Variants in SERINC3 observed in about 807,000 individuals in gnomAD.
SERINC3 encodes the protein tumor differentially expressed protein 1.
Under a neutral mutation model 52.1 loss-of-function variants are expected in SERINC3, and 22 were observed. That is an observed-to-expected ratio of 0.42 (90% CI 0.30 to 0.60). The LOEUF (loss-of-function observed/expected upper bound fraction) is 0.60, where lower values mean the gene tolerates loss of function less well. Among genes scored for constraint, SERINC3 ranks in the 20% least tolerant of loss-of-function variants. The pLI, the probability that SERINC3 is intolerant of heterozygous loss-of-function variation, is 0.16. For missense variants in SERINC3, 564 were observed against 584.6 expected (o/e 0.96, Z 0.36); for synonymous variants, 226 against 212.7 (o/e 1.06, Z -0.54).
At chr20:44,496,662 C>T (rs1000931522), downstream of SERINC3, among the ~76,000 whole-genome samples, 1 of 151,976 alleles carries the variant, frequency 6.6e-6, no homozygotes, top group Non-Finnish European at 1.5e-5. Flanking sequence ...GGTGTGGTGG[C>T]GCGCACCTAT....
intron 7 of SERINC3, 28 bp from the exon 8 acceptor site, chr20:44,504,023 T>C: frequency 1.9e-6 from 3 of 1,559,044 alleles, no homozygotes; most frequent in Non-Finnish European, 2.6e-6. Context: ...TGTATTATCC[T>C]TGGTTACAGC....
intron 2 of SERINC3, 83 bp from the exon 3 acceptor site, chr20:44,513,077 G>A (rs2064358734): frequency 1.7e-5 from 15 of 886,202 alleles, no homozygotes; most frequent in Non-Finnish European, 2.5e-5. Context: ...CCTGGATTTA[G>A]AAAATTAACT....
chr20:44,521,150 T>C (rs2064414074), intron 1 of SERINC3, among the ~76,000 whole-genome samples: 1 of 152,236 alleles, frequency 6.6e-6, no homozygotes, highest in African/African-American at 2.4e-5. Context: ...GTGCTTTTTC[T>C]ACACACTTGG....
chr20:44,501,735 T>C (rs1413030296), intron 8 of SERINC3, among the ~76,000 whole-genome samples: 1 of 152,206 alleles, frequency 6.6e-6, no homozygotes, highest in Non-Finnish European at 1.5e-5. Flanking sequence ...CACAGCTTCC[T>C]AGGCTTCCTT....
At chr20:44,518,713 C>A (rs1235522951) in intron 1 of SERINC3, among the ~76,000 whole-genome samples, 1 of 152,098 alleles carries the variant, frequency 6.6e-6, no homozygotes, top group Non-Finnish European at 1.5e-5. Context: ...ACCTGTAATC[C>A]CAGCACTTTG....
intron 6 of SERINC3, among the ~76,000 whole-genome samples, chr20:44,505,681 C>T (rs1806920152): frequency 6.6e-6 from 1 of 151,880 alleles, no homozygotes; most frequent in South Asian, 2.1e-4. Flanking sequence ...TCACTGCTAC[C>T]TCCGCCTCCA....
chr20:44,503,611 G>GT (rs2064293112), intron 8 of SERINC3, among the ~76,000 whole-genome samples: 1 of 152,192 alleles, frequency 6.6e-6, no homozygotes, highest in Non-Finnish European at 1.5e-5. Flanking sequence ...TCCTGCCACT[G>GT]CACTCCAGCC....
In SERINC3 at chr20:44,515,779, T is replaced by TA. The variant is rs1351745191; in HGVS notation, c.40-1740dup. Among the ~76,000 whole-genome samples, 849 of 151,986 alleles carry TA rather than the reference T, an allele frequency of 5.6e-3. 6 individuals are homozygous for TA. Among genetic ancestry groups the TA allele is most frequent in the African/African-American group, 0.02 (825 of 41,470 alleles). On this transcript the variant is annotated intron_variant, in intron 1 of 9. Coordinates refer to ENST00000342374, the MANE Select transcript of SERINC3 (RefSeq NM_006811.4). Reference sequence around the variant, plus strand: ...AATTCTTGTGCTTTAGCCTCCCAAGTAGCTGGGACTACAGGTGTGCAATGC... The same window carrying TA: ...AATTCTTGTGCTTTAGCCTCCCAAGTAAGCTGGGACTACAGGTGTGCAATGC...
At chr20:44,503,377 G>A (rs2064291494) in intron 8 of SERINC3, among the ~76,000 whole-genome samples, 1 of 152,202 alleles carries the variant, frequency 6.6e-6, no homozygotes, top group Admixed American at 6.5e-5. Flanking sequence ...GCTGGGCATG[G>A]TGGCTCACAC....
intron 1 of SERINC3, among the ~76,000 whole-genome samples, chr20:44,516,986 G>A (rs938918245): frequency 6.6e-6 from 1 of 152,152 alleles, no homozygotes; most frequent in South Asian, 2.1e-4. Flanking sequence ...GATAACTCTG[G>A]TCTTAAAATA....
intron 3 of SERINC3, among the ~76,000 whole-genome samples, chr20:44,512,464 GTTTATC>G (rs1379705361): frequency 6.6e-6 from 1 of 151,976 alleles, no homozygotes. Context: ...TCAGGTACAT[GTTTATC>G]TTTAAACAAC....
chr20:44,506,650 GAT>G (rs35788400), intron 6 of SERINC3, among the ~76,000 whole-genome samples, 175 bp downstream of exon 6: 9,269 of 135,982 alleles, frequency 0.068, 378 homozygotes, highest in Middle Eastern at 0.15. Flanking sequence ...TTTTTTTAAT[GAT>G]AGTGAAATTC....
At position 44,513,906 on chromosome 20, in the gene SERINC3, T is replaced by C. The variant is rs11559230; in HGVS notation, c.174A>G (p.Arg58=). The change falls in exon 2 of 10, where the codon AGA becomes AGG. Residue 58 remains arginine, a synonymous_variant. Transcript: ENST00000342374. ...LSTVVSYIMQ[R]KEMETYLKKI... ...TCTTCAAGTAAGTTTCCATCTCTTT[T>C]CTCTGCATGATATAGGATACGACAG... is the stretch of plus-strand genomic sequence containing the variant. 1 of 1,609,942 alleles carries C rather than the reference T, an allele frequency of 6.2e-7. No individual in the cohort carries two copies. The highest frequency in any genetic ancestry group is 1.3e-5 in the African/African-American group (1 of 74,870).
chr20:44,510,925 G>GT (rs1386988325), intron 4 of SERINC3, among the ~76,000 whole-genome samples: 1 of 151,460 alleles, frequency 6.6e-6, no homozygotes, highest in East Asian at 2.0e-4. Context: ...GTTTTGTTTT[G>GT]TTTTTTGAGA....
Position 44,513,978 on chromosome 20 carries a change from A to C in SERINC3, c.102T>G (p.Asn34Lys). 6.2e-7 allele frequency: 1 copy of C among 1,614,182 alleles called. No individual in the cohort carries two copies. The highest frequency in any genetic ancestry group is 8.5e-7 in the Non-Finnish European group (1 of 1,180,022). The change falls in exon 2 of 10, where the codon AAT (asparagine) becomes AAG (lysine). Residue 34 changes from asparagine to lysine, a missense_variant. Transcript: ENST00000342374. ...CATAAATGAGGCGAGTCACCGTGGA[A>C]TTCTTACTGTTAGGACAGCAACTAC... ...LLCSCCPNSKNSTVTRLIYAF... is the reference protein window; with the variant it reads ...LLCSCCPNSKKSTVTRLIYAF...
intron 5 of SERINC3, 130 bp from the exon 6 acceptor site, chr20:44,507,126 TAC>T: frequency 3.3e-6 from 2 of 611,666 alleles, no homozygotes; most frequent in East Asian, 6.4e-5. Context: ...ACAGTAAAAT[TAC>T]AGAGGTCTCA....
chr20:44,515,385 T>C (rs1178312672), intron 1 of SERINC3, among the ~76,000 whole-genome samples: 3 of 152,112 alleles, frequency 2.0e-5, no homozygotes, highest in African/African-American at 4.8e-5. Flanking sequence ...ACATAATAGA[T>C]AGATACATGA....
At position 44,498,601 on chromosome 20, in the gene SERINC3, A is replaced by C. The variant is rs2064261817; in HGVS notation, c.*1695T>G. 1 of 152,238 alleles carries C rather than the reference A, an allele frequency of 6.6e-6. No homozygotes were observed. The highest frequency in any genetic ancestry group is 2.4e-5 in the African/African-American group (1 of 41,428). 9.4% of individuals were successfully genotyped at this position (152,238 alleles called of 1,614,324 possible). A position where few individuals can be genotyped will look rare whatever the true frequency, so the allele number is the denominator to read the frequency against. On this transcript the variant is annotated 3_prime_UTR_variant, in exon 10 of 10. Transcript: ENST00000342374. ...AAAAAAAAAAATTAAAATTGAAAAA[A>C]AAAAATTCTAATTGCTAAGTAGCCC...
chr20:44,500,861 C>G (rs1361422965), intron 9 of SERINC3, among the ~76,000 whole-genome samples: 1 of 152,164 alleles, frequency 6.6e-6, no homozygotes, highest in African/African-American at 2.4e-5. Flanking sequence ...TTTTCTCTCT[C>G]AATTAACTCA....
Sources: allele counts gnomAD v4.1 joint callset (sites outside exome capture counted in the v4.1 genomes callset), GRCh38; gene constraint gnomAD v4.1.1; transcripts MANE v1.5; gene names NCBI Gene and HGNC (gene_info 2026-07-23, HGNC 2026-07-21).